CALN1: variants seen among roughly 807,000 people sequenced by gnomAD.
CALN1 encodes calneuron 1.
A neutral mutation model predicts 30.6 loss-of-function variants in CALN1; 17 were observed. The ratio of observed to expected loss-of-function variants is 0.56; its 90% CI spans 0.38 to 0.83. The LOEUF is 0.83. CALN1 is among the 40% of genes least tolerant of loss of function. CALN1 has a pLI of 0.00. For missense variants in CALN1, 291 were observed against 354.9 expected, an observed-to-expected ratio of 0.82 and a Z score of 1.45; for synonymous variants, 156 against 131.4, an observed-to-expected ratio of 1.19 and a Z score of -1.28.
At chr7:72,327,329 C>G (rs534278988) in intron 2 of CALN1, among the ~76,000 whole-genome samples, 13 of 152,256 alleles carry the variant, frequency 8.5e-5, no homozygotes, top group African/African-American at 2.9e-4. Context: ...CCCGTCTCTA[C>G]TAAAAATACG....
intron 6 of CALN1, among the ~76,000 whole-genome samples, chr7:71,792,219 T>C (rs997180369): frequency 1.3e-5 from 2 of 152,170 alleles, no homozygotes; most frequent in Non-Finnish European, 2.9e-5. Flanking sequence ...CTGTCTATTA[T>C]TTAGAAGTCT....
chr7:72,435,384 C>T (rs1808121203), intron 1 of CALN1, among the ~76,000 whole-genome samples: 1 of 152,222 alleles, frequency 6.6e-6, no homozygotes, highest in Non-Finnish European at 1.5e-5. Flanking sequence ...CTTTCCTGGG[C>T]TCAAACATTC....
At chr7:72,440,157 C>T (rs920854680) in intron 1 of CALN1, among the ~76,000 whole-genome samples, 1 of 152,166 alleles carries the variant, frequency 6.6e-6, no homozygotes, top group African/African-American at 2.4e-5. Context: ...ATGTCAGTCC[C>T]CGGAGAGAGA....
chr7:72,340,482 T>C (rs1311243610), intron 2 of CALN1, among the ~76,000 whole-genome samples: 1 of 152,332 alleles, frequency 6.6e-6, no homozygotes, highest in African/African-American at 2.4e-5. Flanking sequence ...AAAAATCCTT[T>C]CCTGTAAGCC....
intron 2 of CALN1, among the ~76,000 whole-genome samples, chr7:72,345,167 A>C (rs948794460): frequency 6.6e-6 from 1 of 150,460 alleles, no homozygotes; most frequent in Non-Finnish European, 1.5e-5. Flanking sequence ...AGAAAAGAAC[A>C]TCTTACAGAT....
intron 5 of CALN1, among the ~76,000 whole-genome samples, chr7:71,877,308 G>A (rs1029019429): frequency 3.9e-5 from 6 of 152,050 alleles, no homozygotes; most frequent in African/African-American, 7.2e-5. Flanking sequence ...GAACTAGACC[G>A]GTGCATTTGC....
intron 5 of CALN1, among the ~76,000 whole-genome samples, chr7:71,836,316 A>G (rs764327100): frequency 6.6e-5 from 10 of 152,142 alleles, no homozygotes; most frequent in Non-Finnish European, 1.5e-4. Flanking sequence ...GAGTAACGAC[A>G]CGATGGGGGC....
chr7:72,398,150 CTGA>C (rs1161003601), intron 2 of CALN1, among the ~76,000 whole-genome samples: 1 of 152,182 alleles, frequency 6.6e-6, no homozygotes, highest in Admixed American at 6.5e-5. Context: ...AGGAGTCCAG[CTGA>C]TGATTCCAAT....
intron 3 of CALN1, among the ~76,000 whole-genome samples, chr7:72,195,657 G>A (rs1380123220): frequency 6.6e-6 from 1 of 152,110 alleles, no homozygotes; most frequent in Non-Finnish European, 1.5e-5. Context: ...TGGGATTACA[G>A]GCATGAGCCA....
At chr7:72,000,811 C>A (rs1799489096) in intron 5 of CALN1, among the ~76,000 whole-genome samples, 1 of 152,120 alleles carries the variant, frequency 6.6e-6, no homozygotes, top group African/African-American at 2.4e-5. Flanking sequence ...AAACTGAATC[C>A]AGTAATGTAT....
At chr7:72,311,007 T>C (rs1345975053) in intron 2 of CALN1, among the ~76,000 whole-genome samples, 2 of 152,038 alleles carry the variant, frequency 1.3e-5, no homozygotes, top group Non-Finnish European at 2.9e-5. Flanking sequence ...GGTGTACTTA[T>C]GCATGGAATT....
chr7:72,345,571 G>C (rs985409447), intron 2 of CALN1, among the ~76,000 whole-genome samples: 2 of 149,038 alleles, frequency 1.3e-5, no homozygotes, highest in Non-Finnish European at 3.0e-5. Context: ...GAGGGAGGGA[G>C]GGAAGGGAAG....
chr7:72,404,993 G>A (rs1330981944), intron 1 of CALN1, among the ~76,000 whole-genome samples: 1 of 152,170 alleles, frequency 6.6e-6, no homozygotes, highest in Non-Finnish European at 1.5e-5. Context: ...ATCTGAACCA[G>A]AAACCCCCAT....
intron 3 of CALN1, among the ~76,000 whole-genome samples, chr7:72,194,389 G>A (rs1174646680): frequency 6.6e-6 from 1 of 152,024 alleles, no homozygotes; most frequent in African/African-American, 2.4e-5. Context: ...AATTAGCCAG[G>A]TGTGGTGGTA....
intron 5 of CALN1, among the ~76,000 whole-genome samples, chr7:71,891,767 A>G (rs1793252439): frequency 6.6e-6 from 1 of 151,942 alleles, no homozygotes; most frequent in South Asian, 2.1e-4. Context: ...AACATGGTGA[A>G]GCCCCGTCTC....
chr7:72,320,000 A>C, intron 2 of CALN1, among the ~76,000 whole-genome samples: 1 of 152,184 alleles, frequency 6.6e-6, no homozygotes, highest in South Asian at 2.1e-4. Context: ...CTAAAAATAC[A>C]AAAACAAATT....
At chr7:71,808,141 C>T (rs1787729534) in intron 6 of CALN1, among the ~76,000 whole-genome samples, 1 of 151,852 alleles carries the variant, frequency 6.6e-6, no homozygotes, top group African/African-American at 2.4e-5. Context: ...GGTTAGGTAC[C>T]TAACCATGGT....
chr7:72,320,572 C>T lies in CALN1; in HGVS notation c.120-41762G>A, dbSNP rs1002518073. 9.9e-5 allele frequency among the ~76,000 whole-genome samples: 15 copies of T among 152,224 alleles called. No individual in the cohort carries two copies. In the East Asian group the frequency reaches 1.2e-3, roughly 12 times the overall value. ...AGAGGCAGCTGGAAGTGATGGCTCA[C>T]GCCTGTAATCCCAACACTTTGGGAG... On this transcript the variant is annotated intron_variant, in intron 2 of 6. Coordinates refer to ENST00000395275, the MANE Select transcript of CALN1 (RefSeq NM_031468.4).
At chr7:72,399,486 G>A (rs879437129) in intron 2 of CALN1, among the ~76,000 whole-genome samples, 9 of 151,892 alleles carry the variant, frequency 5.9e-5, no homozygotes, top group Non-Finnish European at 8.8e-5. Context: ...GGCCAAGATG[G>A]TCTCGATCTC....
Sources: gnomAD v4.1 joint callset for allele counts (sites outside exome capture counted in the v4.1 genomes callset) on GRCh38, gnomAD v4.1.1 for gene constraint, MANE v1.5 for transcripts, NCBI Gene and HGNC (gene_info 2026-07-23, HGNC 2026-07-21) for gene names.